NRXN3: variants seen among roughly 807,000 people sequenced by gnomAD.
NRXN3 encodes the protein neurexin 3, also known as neurexin III.
A neutral mutation model predicts 137.6 loss-of-function variants in NRXN3; 32 were observed. The observed-to-expected ratio is 0.23, with a 90% confidence interval of 0.18 to 0.31. The LOEUF (loss-of-function observed/expected upper bound fraction) is 0.31, where lower values mean the gene tolerates loss of function less well. NRXN3 is among the 10% of genes least tolerant of loss of function. NRXN3 has a pLI of 1.00. For missense variants in NRXN3, 1,574 were observed against 2,062.5 expected, an observed-to-expected ratio of 0.76 and a Z score of 4.59; for synonymous variants, 798 against 784.5, an observed-to-expected ratio of 1.02 and a Z score of -0.29.
chr14:79,805,130 G>A lies in NRXN3; in HGVS notation c.4033G>A (p.Val1345Ile). 2 of 1,611,736 alleles carry A rather than the reference G, an allele frequency of 1.2e-6. No individual in the cohort carries two copies. Among genetic ancestry groups the A allele is most frequent in the Non-Finnish European group, 1.7e-6 (2 of 1,178,530 alleles). Residue 1345 changes from valine to isoleucine, a missense_variant, in exon 20 of 21, where the codon GTT (valine) becomes ATT (isoleucine). This residue lies in a region of NRXN3 where 320 missense variants were observed against 387.1 expected (regional missense o/e 0.83). Coordinates refer to ENST00000335750, the MANE Select transcript of NRXN3 (RefSeq NM_001330195.2). Reference sequence around the variant, plus strand: ...TAAACAGCCAACATCAGATGATCTTGTTTCATCTGCTGAATGTTCAAGTGA... The same window carrying A: ...TAAACAGCCAACATCAGATGATCTTATTTCATCTGCTGAATGTTCAAGTGA... ...ASIQPTSDDL[V>I]SSAECSSDDE... is the part of the protein sequence containing the mutation.
At chr14:79,535,296 G>GACT (rs1405769091) in intron 16 of NRXN3, among the ~76,000 whole-genome samples, 3 of 152,152 alleles carry the variant, frequency 2.0e-5, no homozygotes, top group Non-Finnish European at 2.9e-5. Flanking sequence ...AAGAAAAATT[G>GACT]GAGTTCATTA....
At chr14:79,695,469 G>C (rs150680355) in intron 18 of NRXN3, among the ~76,000 whole-genome samples, 1 of 152,026 alleles carries the variant, frequency 6.6e-6, no homozygotes, top group African/African-American at 2.4e-5. Flanking sequence ...GCATTAGGCT[G>C]TCTAATGTAA....
At chr14:78,245,662 A>G (rs1177948378) in intron 2 of NRXN3, among the ~76,000 whole-genome samples, 1 of 152,228 alleles carries the variant, frequency 6.6e-6, no homozygotes, top group African/African-American at 2.4e-5. Context: ...TTTATTTCCC[A>G]GGTGGTACCT....
Position 78,561,648 on chromosome 14 carries a change from T to A in NRXN3, c.758-83472T>A, listed in dbSNP as rs532703485. Among the ~76,000 whole-genome samples the A allele has an allele frequency of 3.3e-4, 51 of 152,262 alleles. 1 individual carries two copies. The highest frequency in any genetic ancestry group is 3.2e-3 in the Admixed American group (49 of 15,300). ...GAAAGCATATACTTCCAAAATGATATGATTTTCAGTCCTACTCTACCTCGA... is the reference window on the plus strand; with the variant it reads ...GAAAGCATATACTTCCAAAATGATAAGATTTTCAGTCCTACTCTACCTCGA... On this transcript the variant is annotated intron_variant, in intron 4 of 20. Transcript: ENST00000335750.
chr14:79,452,668 G>T (rs2096195528), intron 15 of NRXN3, among the ~76,000 whole-genome samples: 1 of 152,162 alleles, frequency 6.6e-6, no homozygotes, highest in Non-Finnish European at 1.5e-5. Context: ...TGGGGAATAG[G>T]CACACTTTCA....
chr14:78,890,291 T>G (rs1209127742), intron 10 of NRXN3, among the ~76,000 whole-genome samples: 1 of 151,958 alleles, frequency 6.6e-6, no homozygotes, highest in African/African-American at 2.4e-5. Flanking sequence ...AAAAAACACC[T>G]CTTATTGAAA....
chr14:79,390,125 G>C (rs1042668608), intron 15 of NRXN3, among the ~76,000 whole-genome samples: 4 of 152,000 alleles, frequency 2.6e-5, no homozygotes, highest in Non-Finnish European at 5.9e-5. Context: ...AGACCATCCT[G>C]GCTAACACAG....
At chr14:78,467,250 A>T (rs2095134988) in intron 4 of NRXN3, among the ~76,000 whole-genome samples, 1 of 152,226 alleles carries the variant, frequency 6.6e-6, no homozygotes, top group Admixed American at 6.5e-5. Context: ...AAATATTTGC[A>T]GGATCTCACC....
chr14:79,561,368 C>T (rs1296293026), intron 16 of NRXN3, among the ~76,000 whole-genome samples: 2 of 152,118 alleles, frequency 1.3e-5, no homozygotes, highest in African/African-American at 2.4e-5. Flanking sequence ...CTATATCATG[C>T]AGTAATGGTG....
At chr14:79,484,386 AGCTGG>A (rs2096636735) in intron 16 of NRXN3, among the ~76,000 whole-genome samples, 2 of 152,256 alleles carry the variant, frequency 1.3e-5, no homozygotes, top group South Asian at 4.1e-4. Flanking sequence ...AAACGTGCCC[AGCTGG>A]TATTCTTTAA....
At chr14:79,300,616 C>T (rs544156046) in intron 15 of NRXN3, among the ~76,000 whole-genome samples, 12 of 152,150 alleles carry the variant, frequency 7.9e-5, no homozygotes, top group African/African-American at 2.9e-4. Context: ...TTGGTGGTCT[C>T]AGGGCTGCCT....
chr14:79,041,817 A>G (rs972550252), intron 15 of NRXN3, among the ~76,000 whole-genome samples: 3 of 152,224 alleles, frequency 2.0e-5, no homozygotes, highest in Admixed American at 2.0e-4. Context: ...AAAGATTTAT[A>G]TAAATAATGA....
chr14:79,607,562 T>C (rs113073308), intron 16 of NRXN3, among the ~76,000 whole-genome samples: 3 of 152,306 alleles, frequency 2.0e-5, no homozygotes, highest in East Asian at 3.9e-4. Flanking sequence ...GAAGAACATA[T>C]CTTTTCTGGT....
intron 15 of NRXN3, among the ~76,000 whole-genome samples, chr14:79,355,123 A>G (rs1185897889): frequency 6.6e-6 from 1 of 152,164 alleles, no homozygotes; most frequent in African/African-American, 2.4e-5. Context: ...GAAAATATTA[A>G]TCTAGATTTG....
At chr14:78,346,336 CCTGG>C (rs754207281) in intron 4 of NRXN3, among the ~76,000 whole-genome samples, 7,591 of 152,186 alleles carry the variant, frequency 0.05, 467 homozygotes, top group African/African-American at 0.14. Context: ...CCCACTCTTA[CCTGG>C]GGCCTGGTCT....
At chr14:79,137,265 T>G (rs913971857) in intron 15 of NRXN3, among the ~76,000 whole-genome samples, 2 of 152,174 alleles carry the variant, frequency 1.3e-5, no homozygotes, top group Non-Finnish European at 2.9e-5. Flanking sequence ...TGGAGGAAGG[T>G]GACAGGAGAG....
At chr14:78,782,424 T>C (rs777454851) in intron 8 of NRXN3, among the ~76,000 whole-genome samples, 8 of 152,228 alleles carry the variant, frequency 5.3e-5, no homozygotes, top group African/African-American at 1.9e-4. Context: ...ATCATTCTTT[T>C]GTCAGTGAAA....
Position 78,204,040 on chromosome 14 carries a change from G to T in NRXN3, c.-704+33366G>T, listed in dbSNP as rs146331830. ...ATTGAAAGGGTTGTAAAGGTATAAAGTACTCCATTACAGAGATGTAACAAT... is the reference window on the plus strand; with the variant it reads ...ATTGAAAGGGTTGTAAAGGTATAAATTACTCCATTACAGAGATGTAACAAT... On this transcript the variant is annotated intron_variant, in intron 1 of 20. Coordinates refer to ENST00000335750, the MANE Select transcript of NRXN3 (RefSeq NM_001330195.2). Among the ~76,000 whole-genome samples the T allele has an allele frequency of 8.1e-3, 1,228 of 152,092 alleles. 16 individuals carry two copies. Among genetic ancestry groups the T allele is most frequent in the East Asian group, 0.049 (254 of 5,180 alleles).
At chr14:79,387,496 C>G (rs1401699359) in intron 15 of NRXN3, among the ~76,000 whole-genome samples, 1 of 152,144 alleles carries the variant, frequency 6.6e-6, no homozygotes, top group Non-Finnish European at 1.5e-5. Context: ...CACTTTTACA[C>G]TGTTGGTGGG....
Sources: allele counts gnomAD v4.1 joint callset (sites outside exome capture counted in the v4.1 genomes callset), GRCh38; gene constraint gnomAD v4.1.1; regional missense constraint gnomAD v4.1.1; transcripts MANE v1.5; gene names NCBI Gene and HGNC (gene_info 2026-07-23, HGNC 2026-07-21).